DPH6: variants seen among roughly 807,000 people sequenced by gnomAD.
DPH6 encodes the protein diphthamine biosynthesis 6.
A neutral mutation model predicts 38.2 loss-of-function variants in DPH6; 33 were observed. That is an observed-to-expected ratio of 0.86 (90% CI 0.65 to 1.15). The LOEUF is 1.15. DPH6 is among the 50% of genes most tolerant of loss of function. The probability of loss-of-function intolerance (pLI) is 0.00; values close to 1 mark genes in which losing one functional copy is unlikely to be tolerated. For missense variants in DPH6, 325 were observed against 320.0 expected (o/e 1.02, Z -0.12); for synonymous variants, 108 against 103.0 (o/e 1.05, Z -0.30).
At chr15:35,530,477 A>G (rs1408015180) in intron 3 of DPH6, among the ~76,000 whole-genome samples, 2 of 152,222 alleles carry the variant, frequency 1.3e-5, no homozygotes, top group African/African-American at 4.8e-5. Flanking sequence ...TTGTAGAAGA[A>G]AGGAATATAG....
chr15:35,537,603 T>TGCC (rs1215501575), intron 3 of DPH6, among the ~76,000 whole-genome samples: 1 of 152,116 alleles, frequency 6.6e-6, no homozygotes, highest in Admixed American at 6.6e-5. Context: ...GCAAAATGGC[T>TGCC]GCCAAACTCT....
chr15:35,277,751 G>A (rs2051869001), intron 3 of DPH6, among the ~76,000 whole-genome samples: 1 of 152,170 alleles, frequency 6.6e-6, no homozygotes, highest in African/African-American at 2.4e-5. Flanking sequence ...TATCCATTAT[G>A]CTGTTGCAAA....
intron 6 of DPH6, among the ~76,000 whole-genome samples, chr15:35,384,332 T>A (rs2052914315): frequency 6.6e-6 from 1 of 152,198 alleles, no homozygotes; most frequent in African/African-American, 2.4e-5. Flanking sequence ...ACAAACTACA[T>A]TGAAAAACAC....
the DPH6 span, among the ~76,000 whole-genome samples, chr15:35,146,069 C>CTGTGTG: frequency 2.6e-4 from 39 of 147,194 alleles, no homozygotes; most frequent in African/African-American, 9.1e-4. Flanking sequence ...CTTATAGTTT[C>CTGTGTG]TGTGTGTGTG....
chr15:35,257,144 T>C lies in DPH6; in HGVS notation n.201-36562A>G, dbSNP rs531844449. ...GTAGTGACATGGGCAGGCATCACCA[T>C]GAAAAGATGACATTAGCATAGCATA... is the stretch of plus-strand genomic sequence containing the variant. On this transcript the variant is annotated intron_variant and non_coding_transcript_variant, in intron 3 of 3. Transcript: ENST00000560386. 4.6e-5 allele frequency among the ~76,000 whole-genome samples: 7 copies of C among 152,226 alleles called. No homozygotes were observed. The East Asian group carries it at 1.4e-3, about 29-fold the overall frequency.
chr15:35,325,641 A>G (rs565669892), intron 3 of DPH6, among the ~76,000 whole-genome samples: 3 of 152,262 alleles, frequency 2.0e-5, no homozygotes, highest in African/African-American at 7.2e-5. Flanking sequence ...TCTAGAAGAT[A>G]TCATAACATT....
chr15:35,312,036 A>G (rs1400136142), intron 3 of DPH6, among the ~76,000 whole-genome samples: 10 of 150,094 alleles, frequency 6.7e-5, no homozygotes, highest in Non-Finnish European at 1.5e-4. Flanking sequence ...AAAAAAATAG[A>G]ACAGGAAAAA....
At chr15:35,439,712 A>G (rs1355603088) in intron 5 of DPH6, among the ~76,000 whole-genome samples, 1 of 152,072 alleles carries the variant, frequency 6.6e-6, no homozygotes, top group East Asian at 1.9e-4. Context: ...TTGGGACCTC[A>G]AGAAGAGAGG....
chr15:35,337,859 GC>G (rs1175593278), intron 3 of DPH6, among the ~76,000 whole-genome samples: 2 of 151,914 alleles, frequency 1.3e-5, no homozygotes, highest in African/African-American at 4.8e-5. Flanking sequence ...ACAGAACAGA[GC>G]CCTCAGAAAT....
In DPH6 at chr15:35,252,246, T is replaced by G. The variant is rs376232571; in HGVS notation, n.201-31664A>C. Among the ~76,000 whole-genome samples, 3 of 152,218 alleles carry G rather than the reference T, an allele frequency of 2.0e-5. No homozygotes were observed. The East Asian group carries it at 5.8e-4, about 29-fold the overall frequency. On this transcript the variant is annotated intron_variant and non_coding_transcript_variant, in intron 3 of 3. Transcript: ENST00000560386. ...TAAGCCTCATGTCAATAGGTACTAT[T>G]ATTACACCCACTTATAGATGAAAAA...
At chr15:35,453,641 T>C (rs2053962893) in intron 4 of DPH6, among the ~76,000 whole-genome samples, 1 of 152,104 alleles carries the variant, frequency 6.6e-6, no homozygotes, top group Admixed American at 6.6e-5. Context: ...TCATCATCCA[T>C]CGTCCAGAGA....
At chr15:35,146,312 T>A in the DPH6 span, among the ~76,000 whole-genome samples, 3 of 152,284 alleles carry the variant, frequency 2.0e-5, no homozygotes, top group Admixed American at 6.5e-5. Context: ...GAATGTATTT[T>A]AAAAATGTAA....
intron 6 of DPH6, chr15:35,400,653 G>A (rs916969007): frequency 6.8e-6 from 4 of 587,774 alleles, no homozygotes; most frequent in East Asian, 2.7e-5. Flanking sequence ...GGATGCCACC[G>A]AGGAAGCATC....
At chr15:35,190,269 T>C in the DPH6 span, among the ~76,000 whole-genome samples, 1 of 152,234 alleles carries the variant, frequency 6.6e-6, no homozygotes, top group African/African-American at 2.4e-5. Flanking sequence ...ACAGAGGACT[T>C]GCAATAGCAA....
intron 5 of DPH6, among the ~76,000 whole-genome samples, chr15:35,449,710 T>C (rs1388964499): frequency 6.6e-6 from 1 of 152,094 alleles, no homozygotes; most frequent in Admixed American, 6.5e-5. Context: ...ACTCAATCTT[T>C]CTTGTTTTAA....
intron 3 of DPH6, among the ~76,000 whole-genome samples, chr15:35,509,619 T>A (rs1463580497): frequency 6.6e-6 from 1 of 152,220 alleles, no homozygotes; most frequent in East Asian, 1.9e-4. Flanking sequence ...AAGGGCAATC[T>A]GTATTTATTG....
chr15:35,471,510 C>T (rs12439171), intron 3 of DPH6, among the ~76,000 whole-genome samples: 93,054 of 152,088 alleles, frequency 0.61, 32,965 homozygotes, highest in South Asian at 0.82. Context: ...CCACACCTCC[C>T]TACCTACCAA....
the DPH6 span, among the ~76,000 whole-genome samples, chr15:35,177,407 T>A: frequency 6.7e-6 from 1 of 148,698 alleles, no homozygotes; most frequent in African/African-American, 2.5e-5. Flanking sequence ...AGACCCCACC[T>A]CTCTACAAAA....
chr15:35,308,588 T>C lies in DPH6; in HGVS notation n.200+64933A>G, dbSNP rs78965954. 4.7e-3 allele frequency among the ~76,000 whole-genome samples: 712 copies of C among 152,250 alleles called. 2 individuals carry two copies. Among genetic ancestry groups the C allele is most frequent in the Non-Finnish European group, 7.7e-3 (524 of 68,022 alleles). On this transcript the variant is annotated intron_variant and non_coding_transcript_variant, in intron 3 of 3. Coordinates refer to the DPH6 transcript ENST00000560386. ...AAAAAGTACTTGGATAACCCATAATTGGAAAGACAATTCCTACCGAAATGA... is the reference window on the plus strand; with the variant it reads ...AAAAAGTACTTGGATAACCCATAATCGGAAAGACAATTCCTACCGAAATGA...
Sources: gnomAD v4.1 joint callset for allele counts (sites outside exome capture counted in the v4.1 genomes callset) on GRCh38, gnomAD v4.1.1 for gene constraint, MANE v1.5 for transcripts, NCBI Gene and HGNC (gene_info 2026-07-23, HGNC 2026-07-21) for gene names.